Variants in SGCD observed in about 807,000 individuals in gnomAD.
SGCD encodes delta-sarcoglycan.
SGCD carries 18 observed loss-of-function variants against 36.6 expected under a neutral mutation model. That is an observed-to-expected ratio of 0.49 (90% CI 0.34 to 0.73). The LOEUF is 0.73. Ranked by LOEUF, SGCD falls within the 30% of genes least tolerant of loss-of-function variation. The pLI, the probability that SGCD is intolerant of heterozygous loss-of-function variation, is 0.01. For missense variants in SGCD, 387 were observed against 346.7 expected, an observed-to-expected ratio of 1.12 and a Z score of -0.92; for synonymous variants, 133 against 130.6, an observed-to-expected ratio of 1.02 and a Z score of -0.12.
chr5:156,579,077 C>A (rs1760121892), intron 4 of SGCD, among the ~76,000 whole-genome samples: 2 of 152,190 alleles, frequency 1.3e-5, no homozygotes, highest in Non-Finnish European at 2.9e-5. Flanking sequence ...CTACACATTG[C>A]TTTAAATGTG....
chr5:156,480,742 A>G (rs1755388314), intron 3 of SGCD, among the ~76,000 whole-genome samples: 1 of 152,218 alleles, frequency 6.6e-6, no homozygotes, highest in Non-Finnish European at 1.5e-5. Flanking sequence ...CTACTTTGCA[A>G]TTGCCACTAC....
intron 3 of SGCD, among the ~76,000 whole-genome samples, chr5:156,155,192 TTATC>T (rs552740090): frequency 2.8e-4 from 42 of 151,692 alleles, no homozygotes; most frequent in East Asian, 7.7e-4. Flanking sequence ...CTATGAAAAA[TTATC>T]TATCTATCTA....
chr5:156,409,511 GC>G (rs1441883235), intron 3 of SGCD, among the ~76,000 whole-genome samples: 1 of 152,104 alleles, frequency 6.6e-6, no homozygotes, highest in Non-Finnish European at 1.5e-5. Context: ...GCCCGGCTGG[GC>G]CCTTATTTGC....
intron 3 of SGCD, among the ~76,000 whole-genome samples, chr5:156,232,673 G>A (rs1310252462): frequency 6.6e-6 from 1 of 152,158 alleles, no homozygotes; most frequent in South Asian, 2.1e-4. Flanking sequence ...AATCTTACAG[G>A]AACTGTAGCT....
At chr5:156,618,470 A>G (rs2113487049) in intron 6 of SGCD, among the ~76,000 whole-genome samples, 1 of 152,250 alleles carries the variant, frequency 6.6e-6, no homozygotes, top group Non-Finnish European at 1.5e-5. Context: ...CAGATGAACA[A>G]CTGAACAACC....
intron 4 of SGCD, among the ~76,000 whole-genome samples, chr5:156,532,223 G>C (rs564774681): frequency 6.6e-6 from 1 of 152,196 alleles, no homozygotes; most frequent in Non-Finnish European, 1.5e-5. Context: ...GTGTTCCTAA[G>C]TGTCTGCAGG....
At chr5:156,282,090 G>A (rs17053386) in intron 3 of SGCD, among the ~76,000 whole-genome samples, 4,733 of 152,100 alleles carry the variant, frequency 0.031, 110 homozygotes, top group South Asian at 0.1. Flanking sequence ...GTTAAGTCTT[G>A]TTAGTGTGAT....
rs1021168244 is a variant in SGCD at position 156,764,838 on chromosome 5, G to C, written c.*5448G>C. The C allele has an allele frequency of 1.3e-5, 2 of 152,220 alleles. No individual in the cohort carries two copies. The highest frequency in any genetic ancestry group is 2.9e-5 in the Non-Finnish European group (2 of 68,058). The allele number at this position is 152,220 out of a possible 1,614,324, so 9.4% of individuals were successfully genotyped here. A position where few individuals can be genotyped will look rare whatever the true frequency, so the allele number is the denominator to read the frequency against. On this transcript the variant is annotated 3_prime_UTR_variant, in exon 9 of 9. Transcript: ENST00000337851. ...CCTTCCAACAACAGTGCTCACTGCTGCTCCTCAACTTCAGCCCAGCAAGCA... is the reference window on the plus strand; with the variant it reads ...CCTTCCAACAACAGTGCTCACTGCTCCTCCTCAACTTCAGCCCAGCAAGCA...
the SGCD span, among the ~76,000 whole-genome samples, chr5:155,729,874 G>A: frequency 6.6e-5 from 10 of 152,210 alleles, no homozygotes; most frequent in Non-Finnish European, 1.5e-5. Context: ...TGGGCAGCAC[G>A]GAGTTGGCTG....
intron 3 of SGCD, among the ~76,000 whole-genome samples, chr5:156,432,163 G>A (rs1753050166): frequency 6.6e-6 from 1 of 152,200 alleles, no homozygotes; most frequent in Non-Finnish European, 1.5e-5. Context: ...CTGCTCTGAT[G>A]GAGGTAGCAG....
chr5:156,012,175 A>G (rs560902952), intron 1 of SGCD, among the ~76,000 whole-genome samples: 4 of 152,348 alleles, frequency 2.6e-5, no homozygotes, highest in African/African-American at 9.6e-5. Flanking sequence ...ATACTTTAGC[A>G]GATAATCATT....
At chr5:156,738,410 T>C (rs1039992121) in intron 7 of SGCD, among the ~76,000 whole-genome samples, 2 of 152,198 alleles carry the variant, frequency 1.3e-5, no homozygotes, top group African/African-American at 4.8e-5. Flanking sequence ...CCAGCTTCTA[T>C]TCACAGTTCA....
intron 3 of SGCD, among the ~76,000 whole-genome samples, chr5:156,445,473 G>A (rs1459574413): frequency 1.3e-5 from 2 of 152,070 alleles, no homozygotes; most frequent in African/African-American, 4.8e-5. Context: ...GAAAGGGAAG[G>A]GAGAAGTAGA....
the SGCD span, among the ~76,000 whole-genome samples, chr5:155,838,576 G>A: frequency 6.6e-6 from 1 of 151,972 alleles, no homozygotes; most frequent in African/African-American, 2.4e-5. Context: ...GGGTTTCTGA[G>A]ACACTTTCAG....
intron 4 of SGCD, among the ~76,000 whole-genome samples, chr5:156,545,194 A>G (rs557459447): frequency 6.6e-6 from 1 of 152,184 alleles, no homozygotes; most frequent in African/African-American, 2.4e-5. Flanking sequence ...TTTTCACTTA[A>G]TATGGAGGGG....
At chr5:155,996,932 GA>G (rs1758566580) in intron 1 of SGCD, among the ~76,000 whole-genome samples, 5 of 152,112 alleles carry the variant, frequency 3.3e-5, no homozygotes, top group African/African-American at 7.2e-5. Context: ...CAGGCAGACA[GA>G]CAGACAGACA....
intron 1 of SGCD, among the ~76,000 whole-genome samples, chr5:156,038,162 A>G (rs1461536812): frequency 6.6e-6 from 1 of 152,196 alleles, no homozygotes; most frequent in Non-Finnish European, 1.5e-5. Flanking sequence ...TAGGCCAATG[A>G]GAAGGCATCC....
At chr5:155,962,201 T>C (rs1359426879) in intron 1 of SGCD, among the ~76,000 whole-genome samples, 1 of 152,086 alleles carries the variant, frequency 6.6e-6, no homozygotes, top group Non-Finnish European at 1.5e-5. Context: ...ATTTTCTTTC[T>C]TAATCATCAG....
intron 1 of SGCD, among the ~76,000 whole-genome samples, chr5:155,974,546 G>A (rs1758071285): frequency 1.4e-5 from 2 of 147,390 alleles, no homozygotes; most frequent in South Asian, 2.3e-4. Flanking sequence ...CCCACTGGAC[G>A]GCCAGTAGCA....
Sources: gnomAD v4.1 joint callset for allele counts (sites outside exome capture counted in the v4.1 genomes callset) on GRCh38, gnomAD v4.1.1 for gene constraint, MANE v1.5 for transcripts, NCBI Gene and HGNC (gene_info 2026-07-23, HGNC 2026-07-21) for gene names.